The following CDC42BPG variants were observed in gnomAD, a reference collection of about 807,000 sequenced individuals.
CDC42BPG encodes the protein CDC42 binding protein kinase gamma.
A neutral mutation model predicts 192.2 loss-of-function variants in CDC42BPG; 157 were observed. The observed-to-expected ratio is 0.82, with a 90% confidence interval of 0.72 to 0.93. CDC42BPG has a LOEUF of 0.93. Ranked by LOEUF, CDC42BPG falls within the 40% of genes least tolerant of loss-of-function variation. The pLI, the probability that CDC42BPG is intolerant of heterozygous loss-of-function variation, is 0.00. For missense variants in CDC42BPG, 1,992 were observed against 2,122.1 expected, an observed-to-expected ratio of 0.94 and a Z score of 1.20; for synonymous variants, 981 against 918.5, an observed-to-expected ratio of 1.07 and a Z score of -1.23.
At chr11:64,838,040 G>A (rs1445195623) in intron 9 of CDC42BPG, 43 bp downstream of exon 9, 1 of 1,521,718 alleles carries the variant, frequency 6.6e-7, no homozygotes, top group South Asian at 1.2e-5. Flanking sequence ...TCCAGGTCAG[G>A]CAACCCCGAG....
intron 6 of CDC42BPG, 113 bp downstream of exon 6, chr11:64,839,365 C>T: frequency 6.7e-7 from 1 of 1,493,790 alleles, no homozygotes. Context: ...CTGGGTCTCA[C>T]CCACCTTCCC....
rs1943236913 is a variant in CDC42BPG at position 64,840,583 on chromosome 11, C to T, written c.402G>A (p.Leu134=). Residue 134 remains leucine, a synonymous_variant, in exon 4 of 37, where the codon CTG becomes CTA. Coordinates refer to ENST00000342711, the MANE Select transcript of CDC42BPG (RefSeq NM_017525.3). ...ACTCCTCGTCTTGGAAGGCATAGTG[C>T]AGAGTGGTCACCCAACGGCTGTCCC... ...VKGDSRWVTT[L]HYAFQDEEYL... 6.2e-7 allele frequency: 1 copy of T among 1,614,016 alleles called. No homozygotes were observed. Among genetic ancestry groups the T allele is most frequent in the Non-Finnish European group, 8.5e-7 (1 of 1,180,022 alleles).
In CDC42BPG at chr11:64,833,663, C is replaced by T; in HGVS notation, c.2566-4G>A. The stretch of plus-strand genomic sequence containing the variant: ...TGGGTGCTCTGGGGAACACAGCCTG[C>T]AGGAGGGCGGGGGAGCAGGTGAGAC... On this transcript the variant is annotated splice_polypyrimidine_tract_variant and splice_region_variant and intron_variant, in intron 22 of 36. Coordinates refer to ENST00000342711, the MANE Select transcript of CDC42BPG (RefSeq NM_017525.3). The T allele has an allele frequency of 6.2e-7, 1 of 1,612,294 alleles. No homozygotes were observed. The highest frequency in any genetic ancestry group is 1.1e-5 in the South Asian group (1 of 90,862).
In CDC42BPG at chr11:64,836,702, G is replaced by GCC. The variant is rs763089520; in HGVS notation, c.1384+35_1384+36dup. 10 of 486,122 alleles carry GCC rather than the reference G, an allele frequency of 2.1e-5. 1 individual carries two copies. Among genetic ancestry groups the GCC allele is most frequent in the Non-Finnish European group, 2.6e-5 (9 of 342,978 alleles). 30.1% of individuals were successfully genotyped at this position (486,122 alleles called of 1,614,324 possible). On this transcript the variant is annotated intron_variant, in intron 11 of 36. Transcript: ENST00000342711. ...AGGACCCGAGCCCAGGTGGGACTCA[G>GCC]CCCTGGGGGGGGGGGGGGGGTGGGC...
rs376355836 is a variant in CDC42BPG at position 64,836,301 on chromosome 11, G to A, written c.1489-5C>T. ...TGCCCGACCCTCGGCCAGCTCCTGA[G>A]GAGGCAGGGGAGGGAGCGGGGAAGG... On this transcript the variant is annotated splice_region_variant and splice_polypyrimidine_tract_variant and intron_variant, in intron 12 of 36. Transcript: ENST00000342711. The A allele has an allele frequency of 4.4e-5, 71 of 1,607,716 alleles. No homozygotes were observed. The African/African-American group carries it at 9.1e-4, about 21-fold the overall frequency.
chr11:64,836,738 C>T lies in CDC42BPG; in HGVS notation c.1384+1G>A. On this transcript the variant is annotated splice_donor_variant, in intron 11 of 36. Transcript: ENST00000342711. LOFTEE classifies it high-confidence loss of function. ...GGGGGGGGGGTGGGCGGAAGGGATA[C>T]CTGGCAGCCTGTCCCGCAGAGTCTG... is the stretch of plus-strand genomic sequence containing the variant. 1 of 1,071,756 alleles carries T rather than the reference C, an allele frequency of 9.3e-7. No individual in the cohort carries two copies. The highest frequency in any genetic ancestry group is 1.3e-6 in the Non-Finnish European group (1 of 758,644). The allele number at this position is 1,071,756 out of a possible 1,614,324, so 66.4% of individuals were successfully genotyped here.
chr11:64,841,958 CCT>C (rs1943300795), intron 1 of CDC42BPG, 54 bp from the exon 2 acceptor site: 2 of 1,422,728 alleles, frequency 1.4e-6, no homozygotes, highest in Non-Finnish European at 9.7e-7. Flanking sequence ...CTCCATTCCC[CCT>C]CTCACCTTGG....
At chr11:64,831,474 CT>C (rs1281786113) in intron 28 of CDC42BPG, 30 bp downstream of exon 28, 1 of 1,580,348 alleles carries the variant, frequency 6.3e-7, no homozygotes, top group Non-Finnish European at 8.7e-7. Flanking sequence ...CAGGCCTGAA[CT>C]GCTTCCTCCA....
intron 15 of CDC42BPG, 35 bp from the exon 16 acceptor site, chr11:64,835,454 C>T (rs2136322775): frequency 6.2e-7 from 1 of 1,612,184 alleles, no homozygotes; most frequent in East Asian, 2.2e-5. Context: ...TGACTCACCG[C>T]CCAGGCCAGG....
chr11:64,839,506 G>C lies in CDC42BPG; in HGVS notation c.647C>G (p.Ser216Cys). 1 of 1,613,250 alleles carries C rather than the reference G, an allele frequency of 6.2e-7. No individual in the cohort carries two copies. The highest frequency in any genetic ancestry group is 8.5e-7 in the Non-Finnish European group (1 of 1,179,986). Reference sequence around the variant, plus strand: ...GCCGTTGGTGTTGAGACGCAGGCAGGAGCCGAAGTCAGCCAGGCGAATGTG... The same window carrying C: ...GCCGTTGGTGTTGAGACGCAGGCAGCAGCCGAAGTCAGCCAGGCGAATGTG... ...NGHIRLADFG[S>C]CLRLNTNGMV... The change falls in exon 6 of 37, where the codon TCC becomes TGC. Residue 216 changes from serine (S) to cysteine (C), a missense_variant. Around this residue, in one of 2 missense-constraint regions of CDC42BPG, gnomAD observed 1,656 missense variants for 1,844.3 expected, o/e 0.90. Coordinates refer to ENST00000342711, the MANE Select transcript of CDC42BPG (RefSeq NM_017525.3).
At position 64,831,527 on chromosome 11, in the gene CDC42BPG, G is replaced by A. The variant is rs200590981; in HGVS notation, c.3282C>T (p.His1094=). The A allele has an allele frequency of 1.2e-5, 19 of 1,611,192 alleles. No individual in the cohort carries two copies. The East Asian group carries it at 3.3e-4, about 28-fold the overall frequency. ...AYDNGLPLLP[H]TLCAAILDQD... is the part of the protein sequence containing the mutation. ...CACCGAGGATGGCAGCGCAGAGCGT[G>A]TGAGGCAGCAGCGGCAGCCCGTTGT... Residue 1094 remains histidine (H), a synonymous_variant, in exon 28 of 37, where the codon CAC becomes CAT. Transcript: ENST00000342711.
chr11:64,829,739 C>T lies in CDC42BPG; in HGVS notation c.3699G>A (p.Leu1233=). Residue 1233 remains leucine (L), a synonymous_variant, in exon 30 of 37, where the codon CTG becomes CTA. Transcript: ENST00000342711. ...QAPATVQSLG[L]LGDRLCVGAA... is the part of the protein sequence containing the mutation. ...CGCCCACACATAGCCGGTCGCCCAG[C>T]AGCCCCAGGCTCTGCACAGTGGCAG... 6.2e-7 allele frequency: 1 copy of T among 1,607,800 alleles called. No homozygotes were observed. The highest frequency in any genetic ancestry group is 1.3e-5 in the African/African-American group (1 of 74,968).
intron 36 of CDC42BPG, 103 bp from the exon 37 acceptor site, chr11:64,824,632 G>C (rs533889492): frequency 2.8e-6 from 2 of 723,638 alleles, no homozygotes; most frequent in South Asian, 3.5e-5. Flanking sequence ...ATCACCCACT[G>C]TATCAGGGCC....
At chr11:64,829,175 G>A (rs773990879) in intron 30 of CDC42BPG, among the ~76,000 whole-genome samples, 2 of 152,038 alleles carry the variant, frequency 1.3e-5, no homozygotes, top group Admixed American at 6.5e-5. Flanking sequence ...AGTCGAGATT[G>A]TGCCACTGTA....
intron 9 of CDC42BPG, among the ~76,000 whole-genome samples, chr11:64,837,879 G>A (rs1465097055): frequency 6.6e-6 from 1 of 152,210 alleles, no homozygotes; most frequent in Non-Finnish European, 1.5e-5. Context: ...GGCGCCATGA[G>A]AGCCATGTGC....
chr11:64,827,660 A>G, intron 31 of CDC42BPG, 26 bp downstream of exon 31: 3 of 1,605,376 alleles, frequency 1.9e-6, no homozygotes, highest in Non-Finnish European at 2.6e-6. Context: ...CCCCGGCGCT[A>G]CCCCAGGGCT....
intron 15 of CDC42BPG, 23 bp from the exon 16 acceptor site, chr11:64,835,442 C>A (rs372844893): frequency 6.2e-7 from 1 of 1,612,714 alleles, no homozygotes; most frequent in Admixed American, 1.7e-5. Flanking sequence ...AGGCCAAGGC[C>A]GTGACTCACC....
intron 2 of CDC42BPG, 28 bp downstream of exon 2, chr11:64,841,785 C>T (rs1446883174): frequency 2.5e-6 from 4 of 1,613,098 alleles, no homozygotes; most frequent in Non-Finnish European, 3.4e-6. Context: ...GAACACCTCC[C>T]CCCACCTACC....
In CDC42BPG at chr11:64,827,312, G is replaced by A. The variant is rs752261285; in HGVS notation, c.4237C>T (p.Arg1413Cys). Residue 1413 changes from arginine to cysteine, a missense_variant, in exon 33 of 37, where the codon CGC becomes TGC. Arg to Cys is a radical substitution (Grantham distance 180, BLOSUM62 -3). Around this residue, in one of 2 missense-constraint regions of CDC42BPG, gnomAD observed 336 missense variants for 277.9 expected, o/e 1.21. Transcript: ENST00000342711. Reference protein sequence around the residue: ...RTKSKRRFFFRVSEEQQKQQR... With the variant: ...RTKSKRRFFFCVSEEQQKQQR... ...TGCTTCTGCTGCTCCTCCGACACGC[G>A]GAAAAAGAAGCGGCGCTTGCTCTTG... The A allele has an allele frequency of 1.9e-6, 3 of 1,613,880 alleles. No homozygotes were observed. The highest frequency in any genetic ancestry group is 1.7e-6 in the Non-Finnish European group (2 of 1,179,968).
Sources: gnomAD v4.1 joint callset for allele counts (sites outside exome capture counted in the v4.1 genomes callset) on GRCh38, gnomAD v4.1.1 for gene constraint, gnomAD v4.1.1 regional missense constraint, MANE v1.5 for transcripts, NCBI Gene and HGNC (gene_info 2026-07-23, HGNC 2026-07-21) for gene names.